DNAH7: variants seen among roughly 807,000 people sequenced by gnomAD.
DNAH7 encodes dynein axonemal heavy chain 7, also known as axonemal beta dynein heavy chain 7.
Under a neutral mutation model 444.6 loss-of-function variants are expected in DNAH7, and 397 were observed. That is an observed-to-expected ratio of 0.89 (90% CI 0.82 to 0.97). The LOEUF (loss-of-function observed/expected upper bound fraction) is 0.97. Among genes scored for constraint, DNAH7 ranks in the 50% least tolerant of loss-of-function variants. DNAH7 has a pLI of 0.00. For synonymous variants in DNAH7, 1,636 were observed against 1,624.4 expected (o/e 1.01, Z -0.17); for missense variants, 4,902 against 4,800.8 (o/e 1.02, Z -0.62).
intron 5 of DNAH7, among the ~76,000 whole-genome samples, chr2:196,036,890 T>C (rs946903235): frequency 1.8e-4 from 27 of 152,064 alleles, no homozygotes; most frequent in African/African-American, 6.5e-4. Context: ...CCGGTGCCCA[T>C]GCATGCCACC....
rs763199735 is a variant in DNAH7, at chr2:195,970,105, C to A, written c.2059-11G>T. ...CCGTTCACACCGTAACTAATAAAAA[C>A]AATTTGTTGTTAATATTCTTAAAAG... On this transcript the variant is annotated splice_polypyrimidine_tract_variant and intron_variant, in intron 16 of 64. Coordinates refer to ENST00000312428, the MANE Select transcript of DNAH7 (RefSeq NM_018897.3). 76 of 1,584,150 alleles carry A rather than the reference C, an allele frequency of 4.8e-5. No homozygotes were observed. The highest frequency in any genetic ancestry group is 6.0e-5 in the Non-Finnish European group (70 of 1,169,200).
intron 17 of DNAH7, among the ~76,000 whole-genome samples, chr2:195,964,068 T>C (rs751938317): frequency 3.3e-5 from 5 of 152,194 alleles, no homozygotes; most frequent in African/African-American, 4.8e-5. Context: ...GTTCTTTTTG[T>C]TCAAGATAGC....
At position 195,895,099 on chromosome 2, in the gene DNAH7, C is replaced by G; in HGVS notation, c.4773G>C (p.Lys1591Asn). ...NLQMTAFFSE[K>N]ILQVYEMMIV... Reference sequence around the variant, plus strand: ...TCATCATTTCATATACTTGAAGAATCTTCTCGGAAAAGAATGCAGTCATTT... The same window carrying G: ...TCATCATTTCATATACTTGAAGAATGTTCTCGGAAAAGAATGCAGTCATTT... Residue 1591 changes from lysine to asparagine, a missense_variant, in exon 30 of 65, where the codon AAG becomes AAC. Coordinates refer to ENST00000312428, the MANE Select transcript of DNAH7 (RefSeq NM_018897.3). 1.9e-6 allele frequency: 3 copies of G among 1,613,680 alleles called. No homozygotes were observed. Among genetic ancestry groups the G allele is most frequent in the South Asian group, 1.1e-5 (1 of 91,030 alleles).
chr2:195,957,350 G>A lies in DNAH7; in HGVS notation c.2989C>T (p.Pro997Ser). Residue 997 changes from proline to serine, a missense_variant, in exon 19 of 65, where the codon CCA becomes TCA. Pro to Ser is a moderately conservative substitution (Grantham distance 74). Transcript: ENST00000312428. ...TCAGGCATTTGAGACATAATGTCTG[G>A]AGAGCTGAAAATGGGCTCCAGATAC... ...WLYLEPIFSS[P>S]DIMSQMPEEG... 1 of 1,608,070 alleles carries A rather than the reference G, an allele frequency of 6.2e-7. No homozygotes were observed.
In DNAH7 at chr2:195,988,117, T is replaced by C; in HGVS notation, c.1466A>G (p.Glu489Gly). Reference protein sequence around the residue: ...VIMKESVAPTEHLRLYDKYDF... With the variant: ...VIMKESVAPTGHLRLYDKYDF... ...ATACTTGTCATAGAGTCTGAGGTGC[T>C]CAGTAGGTGCCACACTCTCTTTCAT... Residue 489 changes from glutamate to glycine, a missense_variant, in exon 13 of 65, where the codon GAG (glutamate) becomes GGG (glycine). Glu to Gly is a moderately conservative substitution (Grantham distance 98). Coordinates refer to ENST00000312428, the MANE Select transcript of DNAH7 (RefSeq NM_018897.3). 1 of 1,613,786 alleles carries C rather than the reference T, an allele frequency of 6.2e-7. No homozygotes were observed. Among genetic ancestry groups the C allele is most frequent in the South Asian group, 1.1e-5 (1 of 91,060 alleles).
chr2:195,972,746 C>T (rs1342302422), intron 15 of DNAH7, among the ~76,000 whole-genome samples: 1 of 152,164 alleles, frequency 6.6e-6, no homozygotes, highest in Non-Finnish European at 1.5e-5. Context: ...GAAGCAGATA[C>T]TATCTGAGTG....
At chr2:195,911,953 T>TA (rs1687384767) in intron 24 of DNAH7, among the ~76,000 whole-genome samples, 2 of 152,180 alleles carry the variant, frequency 1.3e-5, no homozygotes, top group Non-Finnish European at 2.9e-5. Flanking sequence ...ATATTAATAG[T>TA]AAAAAATATG....
intron 20 of DNAH7, 81 bp downstream of exon 20, chr2:195,936,518 T>C (rs906450277): frequency 9.4e-6 from 8 of 854,576 alleles, no homozygotes; most frequent in Non-Finnish European, 1.2e-5. Flanking sequence ...CATGATTATA[T>C]ATATTTATGT....
intron 17 of DNAH7, among the ~76,000 whole-genome samples, chr2:195,963,032 G>A (rs1216278356): frequency 1.3e-5 from 2 of 152,156 alleles, no homozygotes; most frequent in Non-Finnish European, 2.9e-5. Flanking sequence ...GGACACTTAG[G>A]CTTCCAAATC....
chr2:196,000,678 G>A (rs1286901739), intron 12 of DNAH7, 26 bp downstream of exon 12: 2 of 1,450,866 alleles, frequency 1.4e-6, no homozygotes, highest in Admixed American at 2.3e-5. Flanking sequence ...GCAAATTCAA[G>A]CAATCTTAAT....
intron 59 of DNAH7, among the ~76,000 whole-genome samples, chr2:195,776,230 G>A (rs1009016690): frequency 6.6e-6 from 1 of 152,232 alleles, no homozygotes; most frequent in Middle Eastern, 3.4e-3. Context: ...GATTACCTGA[G>A]GTCGGGAGTT....
At chr2:196,048,185 G>T in intron 4 of DNAH7, 111 bp downstream of exon 4, 2 of 897,424 alleles carry the variant, frequency 2.2e-6, no homozygotes, top group Non-Finnish European at 3.2e-6. Context: ...TTTTCTACTT[G>T]ACATTAATGT....
intron 9 of DNAH7, among the ~76,000 whole-genome samples, chr2:196,014,836 G>A (rs982591030): frequency 6.6e-6 from 1 of 152,074 alleles, no homozygotes; most frequent in African/African-American, 2.4e-5. Flanking sequence ...ATAGGCCAGT[G>A]TCCTGCACTT....
At chr2:195,922,828 C>T (rs779663422) in intron 23 of DNAH7, among the ~76,000 whole-genome samples, 14 of 152,102 alleles carry the variant, frequency 9.2e-5, no homozygotes, top group Non-Finnish European at 2.1e-4. Flanking sequence ...TGGTAAAAAC[C>T]ATGTTTCTGG....
chr2:195,853,306 G>T, intron 46 of DNAH7, 37 bp downstream of exon 46: 1 of 1,572,666 alleles, frequency 6.4e-7, no homozygotes, highest in Middle Eastern at 1.9e-4. Flanking sequence ...GCTGTGATGG[G>T]CAGAGGGTCA....
At chr2:195,908,284 T>G (rs1046294355) in intron 25 of DNAH7, among the ~76,000 whole-genome samples, 5 of 152,056 alleles carry the variant, frequency 3.3e-5, no homozygotes, top group Non-Finnish European at 7.4e-5. Flanking sequence ...GCTACATGCA[T>G]AGACTGCATA....
intron 19 of DNAH7, among the ~76,000 whole-genome samples, chr2:195,954,020 C>CT (rs1004958496): frequency 1.3e-5 from 2 of 151,816 alleles, no homozygotes; most frequent in African/African-American, 2.4e-5. Flanking sequence ...ACAATCGAGT[C>CT]TTTTTTTTAA....
At chr2:196,063,692 C>T (rs1698258102) in intron 1 of DNAH7, 1 of 152,312 alleles carries the variant, frequency 6.6e-6, no homozygotes, top group Non-Finnish European at 1.5e-5. Flanking sequence ...CATGTTGATC[C>T]CGACTCTCTC....
Position 195,738,048 on chromosome 2 carries a change from C to T in DNAH7, c.11948G>A (p.Arg3983Gln), listed in dbSNP as rs62203618. 1.1e-4 allele frequency: 170 copies of T among 1,614,000 alleles called. No homozygotes were observed. Among genetic ancestry groups the T allele is most frequent in the South Asian group, 4.8e-4 (44 of 91,082 alleles). Reference protein sequence around the residue: ...YVAPLYKTSERRGVLSTTGHS... With the variant: ...YVAPLYKTSEQRGVLSTTGHS... ...GCCAGTGGTGGATAATACTCCTCTC[C>T]GCTCACTTGTCTTATACAATGGAGC... Residue 3983 changes from arginine (R) to glutamine (Q), a missense_variant, in exon 65 of 65, where the codon CGG becomes CAG. Physicochemically the swap from Arg to Gln is conservative, Grantham distance 43. Coordinates refer to ENST00000312428, the MANE Select transcript of DNAH7 (RefSeq NM_018897.3).
Sources: gnomAD v4.1 joint callset for allele counts (sites outside exome capture counted in the v4.1 genomes callset) on GRCh38, gnomAD v4.1.1 for gene constraint, MANE v1.5 for transcripts, NCBI Gene and HGNC (gene_info 2026-07-23, HGNC 2026-07-21) for gene names.